GALNTL6: variants seen among roughly 807,000 people sequenced by gnomAD.
The protein encoded by GALNTL6 is polypeptide N-acetylgalactosaminyltransferase-like 6.
In GALNTL6, 46 loss-of-function variants were observed where a neutral mutation model predicts 73.7. That is an observed-to-expected ratio of 0.62 (90% CI 0.49 to 0.80). The LOEUF (loss-of-function observed/expected upper bound fraction) is 0.80. Ranked by LOEUF, GALNTL6 falls within the 30% of genes least tolerant of loss-of-function variation. GALNTL6 has a pLI of 0.00. For missense variants in GALNTL6, 604 were observed against 755.0 expected, an observed-to-expected ratio of 0.80 and a Z score of 2.34; for synonymous variants, 259 against 263.7, an observed-to-expected ratio of 0.98 and a Z score of 0.17.
At chr4:172,323,053 C>A (rs1171021029) in intron 4 of GALNTL6, among the ~76,000 whole-genome samples, 1 of 152,148 alleles carries the variant, frequency 6.6e-6, no homozygotes. Flanking sequence ...TGCCATGCTT[C>A]ATGAGCACAT....
rs543773871 is a variant in GALNTL6, at chr4:171,992,464, G to A, written c.138+177746G>A. Among the ~76,000 whole-genome samples the A allele has an allele frequency of 6.6e-5, 10 of 152,022 alleles. No individual in the cohort carries two copies. The South Asian group carries it at 2.1e-3, about 31-fold the overall frequency. ...TTCTTATGGGACCAGTGCAGAACAG[G>A]TAATATTGCAATTATAATTGGATAC... On this transcript the variant is annotated intron_variant, in intron 2 of 12. Coordinates refer to ENST00000506823, the MANE Select transcript of GALNTL6 (RefSeq NM_001034845.3).
chr4:172,797,392 A>C (rs143049559), intron 5 of GALNTL6, among the ~76,000 whole-genome samples: 43 of 151,990 alleles, frequency 2.8e-4, no homozygotes, highest in African/African-American at 7.7e-4. Context: ...GACTAGGCGA[A>C]CGCCGCTACG....
intron 2 of GALNTL6, among the ~76,000 whole-genome samples, chr4:171,923,418 G>A: frequency 8.8e-6 from 1 of 113,506 alleles, no homozygotes; most frequent in East Asian, 2.6e-4. Flanking sequence ...TTTTTTTTGA[G>A]ACGGAGTCTC....
intron 2 of GALNTL6, among the ~76,000 whole-genome samples, chr4:171,865,017 G>A (rs1366989115): frequency 6.6e-6 from 1 of 151,942 alleles, no homozygotes; most frequent in Non-Finnish European, 1.5e-5. Flanking sequence ...ATGGTGGTGT[G>A]CACCTCTAAT....
chr4:172,040,645 C>G (rs924779553), intron 2 of GALNTL6, among the ~76,000 whole-genome samples: 1 of 151,962 alleles, frequency 6.6e-6, no homozygotes, highest in Admixed American at 6.6e-5. Context: ...TTAATTCTTA[C>G]GATGACGCTT....
chr4:172,072,125 C>T (rs1433133511), intron 2 of GALNTL6, among the ~76,000 whole-genome samples: 1 of 152,154 alleles, frequency 6.6e-6, no homozygotes, highest in Non-Finnish European at 1.5e-5. Context: ...ACATATTATA[C>T]TTCCCCTACT....
At chr4:172,057,754 ATAT>A (rs1560904302) in intron 2 of GALNTL6, among the ~76,000 whole-genome samples, 38 of 142,418 alleles carry the variant, frequency 2.7e-4, no homozygotes, top group African/African-American at 9.2e-4. Context: ...ATATATATAT[ATAT>A]AAATCAAGTT....
intron 5 of GALNTL6, among the ~76,000 whole-genome samples, chr4:172,627,756 T>G (rs894711355): frequency 6.6e-6 from 1 of 152,080 alleles, no homozygotes; most frequent in Non-Finnish European, 1.5e-5. Context: ...TGGGAGTTTA[T>G]CCATTTTCCC....
intron 5 of GALNTL6, among the ~76,000 whole-genome samples, chr4:172,765,321 G>T (rs1738346266): frequency 6.6e-6 from 1 of 152,160 alleles, no homozygotes; most frequent in Non-Finnish European, 1.5e-5. Context: ...TTATAAAAGT[G>T]ATATATTAGA....
At chr4:172,581,684 C>T (rs898103545) in intron 5 of GALNTL6, among the ~76,000 whole-genome samples, 2 of 152,194 alleles carry the variant, frequency 1.3e-5, no homozygotes, top group African/African-American at 4.8e-5. Flanking sequence ...AGCGTGGTAT[C>T]ACACCTTTCT....
At chr4:172,203,895 T>G (rs894589317) in intron 2 of GALNTL6, among the ~76,000 whole-genome samples, 2 of 152,034 alleles carry the variant, frequency 1.3e-5, no homozygotes, top group Non-Finnish European at 2.9e-5. Context: ...TACAGGCATG[T>G]GTCACCATGC....
chr4:171,988,541 G>A (rs533817825), intron 2 of GALNTL6, among the ~76,000 whole-genome samples: 17 of 152,214 alleles, frequency 1.1e-4, no homozygotes, highest in Middle Eastern at 3.4e-3. Flanking sequence ...AGTGGATTGT[G>A]GAGGGAGGTA....
At chr4:172,242,325 GTA>G (rs1737465705) in intron 3 of GALNTL6, among the ~76,000 whole-genome samples, 1 of 149,670 alleles carries the variant, frequency 6.7e-6, no homozygotes, top group East Asian at 1.9e-4. Context: ...GTGTGTGTTT[GTA>G]TGTGTGTGTG....
chr4:173,020,739 C>A (rs1752956413), intron 11 of GALNTL6, among the ~76,000 whole-genome samples: 1 of 152,100 alleles, frequency 6.6e-6, no homozygotes, highest in African/African-American at 2.4e-5. Flanking sequence ...AGGATTTGTT[C>A]CAGTAACATT....
intron 10 of GALNTL6, among the ~76,000 whole-genome samples, chr4:172,953,101 G>T (rs918369547): frequency 3.9e-5 from 6 of 152,150 alleles, no homozygotes; most frequent in Non-Finnish European, 8.8e-5. Context: ...CAGCCACATT[G>T]ATTCTTTAAA....
intron 5 of GALNTL6, among the ~76,000 whole-genome samples, chr4:172,552,274 G>T (rs1735981972): frequency 6.6e-6 from 1 of 152,002 alleles, no homozygotes. Context: ...AATTTCTTGA[G>T]CTAGAGATTC....
chr4:172,329,856 A>C lies in GALNTL6; in HGVS notation c.386+18104A>C, dbSNP rs150737875. Among the ~76,000 whole-genome samples, 140 of 152,340 alleles carry C rather than the reference A, an allele frequency of 9.2e-4. 1 individual carries two copies. The highest frequency in any genetic ancestry group is 3.2e-3 in the African/African-American group (135 of 41,574). ...GCAAGGGTGGCTAGTGACCCCAGCC[A>C]GGAGGTCCCACTTACTGAAGAGAAA... On this transcript the variant is annotated intron_variant, in intron 4 of 12. Coordinates refer to ENST00000506823, the MANE Select transcript of GALNTL6 (RefSeq NM_001034845.3).
intron 2 of GALNTL6, among the ~76,000 whole-genome samples, chr4:171,862,330 C>G (rs1005757721): frequency 3.3e-5 from 5 of 152,004 alleles, no homozygotes; most frequent in Non-Finnish European, 5.9e-5. Flanking sequence ...AAAAGCATTA[C>G]CAGGCCATTG....
chr4:171,997,310 T>G (rs1740523184), intron 2 of GALNTL6, among the ~76,000 whole-genome samples: 1 of 152,074 alleles, frequency 6.6e-6, no homozygotes, highest in African/African-American at 2.4e-5. Context: ...CATGATTTTT[T>G]GAACACAGCA....
Sources: gnomAD v4.1 joint callset for allele counts (sites outside exome capture counted in the v4.1 genomes callset) on GRCh38, gnomAD v4.1.1 for gene constraint, MANE v1.5 for transcripts, NCBI Gene and HGNC (gene_info 2026-07-23, HGNC 2026-07-21) for gene names.